RBFOX1: variants seen among roughly 807,000 people sequenced by gnomAD.
The protein encoded by RBFOX1 is RNA binding protein fox-1 homolog 1.
Under a neutral mutation model 57.7 loss-of-function variants are expected in RBFOX1, and 8 were observed. The ratio of observed to expected loss-of-function variants is 0.14; its 90% CI spans 0.08 to 0.25. RBFOX1 has a LOEUF of 0.25. Among genes scored for constraint, RBFOX1 ranks in the 10% least tolerant of loss-of-function variants. The probability of loss-of-function intolerance (pLI) is 1.00; values close to 1 mark genes in which losing one functional copy is unlikely to be tolerated. For missense variants in RBFOX1, 611 were observed against 548.5 expected, an observed-to-expected ratio of 1.11 and a Z score of -1.14; for synonymous variants, 326 against 222.4, an observed-to-expected ratio of 1.47 and a Z score of -4.15.
intron 4 of RBFOX1, among the ~76,000 whole-genome samples, chr16:7,441,090 T>G (rs931764770): frequency 7.2e-5 from 11 of 152,118 alleles, no homozygotes; most frequent in Non-Finnish European, 1.6e-4. Context: ...AGATATCCTC[T>G]TTAAAGAGAA....
chr16:6,183,940 A>G (rs1045333699), intron 1 of RBFOX1, among the ~76,000 whole-genome samples: 1 of 152,192 alleles, frequency 6.6e-6, no homozygotes, highest in Non-Finnish European at 1.5e-5. Flanking sequence ...ACTGCTGGTA[A>G]AGACATACCT....
At chr16:5,467,985 G>T (rs2069005975) in intron 2 of RBFOX1, among the ~76,000 whole-genome samples, 1 of 152,114 alleles carries the variant, frequency 6.6e-6, no homozygotes, top group Non-Finnish European at 1.5e-5. Flanking sequence ...AGTGGATTGG[G>T]GATGGTTTAA....
At chr16:7,222,362 C>G (rs563013791) in intron 4 of RBFOX1, among the ~76,000 whole-genome samples, 1 of 152,198 alleles carries the variant, frequency 6.6e-6, no homozygotes, top group African/African-American at 2.4e-5. Flanking sequence ...TATGTCAGTT[C>G]CAATTATGAA....
chr16:6,570,588 A>C (rs866882769), intron 2 of RBFOX1, among the ~76,000 whole-genome samples: 1 of 152,132 alleles, frequency 6.6e-6, no homozygotes, highest in South Asian at 2.1e-4. Flanking sequence ...AGCATGTTTT[A>C]TTGTTTATCT....
At chr16:6,727,124 G>A (rs5002413) in intron 3 of RBFOX1, among the ~76,000 whole-genome samples, 3,610 of 149,188 alleles carry the variant, frequency 0.024, 183 homozygotes, top group Admixed American at 0.11. Flanking sequence ...GTGTGTGTGT[G>A]TATATATAAA....
At chr16:6,230,561 A>G (rs1347871121) in intron 1 of RBFOX1, among the ~76,000 whole-genome samples, 1 of 152,188 alleles carries the variant, frequency 6.6e-6, no homozygotes, top group East Asian at 1.9e-4. Flanking sequence ...TCAACTCACA[A>G]TTCCGTGGGT....
chr16:6,259,562 A>G (rs1383281643), intron 1 of RBFOX1, among the ~76,000 whole-genome samples: 3 of 151,972 alleles, frequency 2.0e-5, no homozygotes, highest in Non-Finnish European at 2.9e-5. Context: ...GTTCCCTTTT[A>G]TAGTTTCTGG....
chr16:6,151,354 C>G (rs375501505), intron 1 of RBFOX1, among the ~76,000 whole-genome samples: 1 of 152,104 alleles, frequency 6.6e-6, no homozygotes, highest in African/African-American at 2.4e-5. Flanking sequence ...GGCACGATCT[C>G]GGCTCACTGC....
intron 1 of RBFOX1, among the ~76,000 whole-genome samples, chr16:6,022,049 C>T (rs1473275378): frequency 6.6e-6 from 1 of 152,134 alleles, no homozygotes; most frequent in African/African-American, 2.4e-5. Flanking sequence ...CTCAAGCTCT[C>T]CCATTCTGCT....
intron 4 of RBFOX1, among the ~76,000 whole-genome samples, chr16:7,334,952 C>G (rs1433039417): frequency 6.6e-6 from 1 of 152,198 alleles, no homozygotes; most frequent in Non-Finnish European, 1.5e-5. Flanking sequence ...AGCCTCTAGA[C>G]CAGCTGCTGT....
chr16:7,402,408 CT>C (rs2098260079), intron 4 of RBFOX1, among the ~76,000 whole-genome samples: 2 of 152,180 alleles, frequency 1.3e-5, no homozygotes, highest in African/African-American at 4.8e-5. Context: ...GGAATATCAT[CT>C]TTGAAAAGTG....
intron 4 of RBFOX1, among the ~76,000 whole-genome samples, chr16:5,959,279 A>G (rs1354457967): frequency 1.3e-5 from 2 of 152,194 alleles, no homozygotes; most frequent in Non-Finnish European, 2.9e-5. Flanking sequence ...CCAATAGAAC[A>G]TGGATGCTCC....
intron 1 of RBFOX1, among the ~76,000 whole-genome samples, chr16:5,358,924 G>A (rs2065466841): frequency 6.6e-6 from 1 of 152,050 alleles, no homozygotes; most frequent in African/African-American, 2.4e-5. Flanking sequence ...TATGTGTTTT[G>A]ATACCCATTA....
At chr16:6,867,395 T>C (rs2060126776) in intron 3 of RBFOX1, among the ~76,000 whole-genome samples, 2 of 151,914 alleles carry the variant, frequency 1.3e-5, no homozygotes, top group Admixed American at 1.3e-4. Flanking sequence ...ACCAGAATTT[T>C]TGTTCATCTG....
intron 3 of RBFOX1, among the ~76,000 whole-genome samples, chr16:7,029,678 C>G (rs536658640): frequency 6.6e-6 from 1 of 152,166 alleles, no homozygotes; most frequent in South Asian, 2.1e-4. Flanking sequence ...ATTTTCAAAA[C>G]AGATGAAAGA....
chr16:6,598,990 G>C (rs763431381), intron 2 of RBFOX1, among the ~76,000 whole-genome samples: 1 of 152,088 alleles, frequency 6.6e-6, no homozygotes, highest in Admixed American at 6.5e-5. Flanking sequence ...TCCCATCCCA[G>C]TGTCAGCACG....
At chr16:5,393,988 C>G (rs1386448276) in intron 1 of RBFOX1, among the ~76,000 whole-genome samples, 1 of 152,162 alleles carries the variant, frequency 6.6e-6, no homozygotes, top group African/African-American at 2.4e-5. Flanking sequence ...CTTTTCGTGT[C>G]TGGCTGATTT....
chr16:7,676,653 A>C lies in RBFOX1; in HGVS notation c.931-121A>C, dbSNP rs537595725. 8.1e-6 allele frequency: 7 copies of C among 859,740 alleles called. No homozygotes were observed. In the African/African-American group the frequency reaches 1.2e-4, roughly 14 times the overall value. The allele number at this position is 859,740 out of a possible 1,614,324, so 53.3% of individuals were successfully genotyped here. On this transcript the variant is annotated intron_variant, in intron 13 of 15. Coordinates refer to ENST00000550418, the MANE Select transcript of RBFOX1 (RefSeq NM_018723.4). ...ATTTTCGCTTTGATACTAAGCTTTC[A>C]TTAACCTCAACTTTAGCTCAGTAGA...
chr16:6,287,543 C>T (rs917493401), intron 1 of RBFOX1, among the ~76,000 whole-genome samples: 1 of 152,126 alleles, frequency 6.6e-6, no homozygotes. Flanking sequence ...TAGCATCATT[C>T]TCACAACTGC....
Sources: allele counts gnomAD v4.1 joint callset (sites outside exome capture counted in the v4.1 genomes callset), GRCh38; gene constraint gnomAD v4.1.1; transcripts MANE v1.5; gene names NCBI Gene and HGNC (gene_info 2026-07-23, HGNC 2026-07-21).